GPRC5B: variants seen among roughly 807,000 people sequenced by gnomAD.
GPRC5B encodes the protein G protein-coupled receptor class C group 5 member B.
Under a neutral mutation model 30.1 loss-of-function variants are expected in GPRC5B, and 16 were observed. That is an observed-to-expected ratio of 0.53 (90% CI 0.36 to 0.81). GPRC5B has a LOEUF of 0.81. GPRC5B is among the 30% of genes least tolerant of loss of function. The probability of loss-of-function intolerance (pLI) is 0.01; values close to 1 mark genes in which losing one functional copy is unlikely to be tolerated. For synonymous variants in GPRC5B, 241 were observed against 239.5 expected (o/e 1.01, Z -0.06); for missense variants, 428 against 544.7 (o/e 0.79, Z 2.13).
At position 19,861,900 on chromosome 16, in the gene GPRC5B, G is replaced by C; in HGVS notation, c.1104C>G (p.Ser368Arg). The C allele has an allele frequency of 1.2e-6, 2 of 1,613,016 alleles. No homozygotes were observed. The highest frequency in any genetic ancestry group is 1.7e-6 in the Non-Finnish European group (2 of 1,179,162). ...RPSGSLGKRP[S>R]APFRSNVYQP... The stretch of plus-strand genomic sequence containing the variant: ...GATACACGTTGCTTCTAAACGGAGC[G>C]CTGGGTCTTTTCCCCAAGCTGCCAC... The change falls in exon 3 of 4, where the codon AGC becomes AGG. Residue 368 changes from serine (S) to arginine (R), a missense_variant. Ser to Arg is a moderately radical substitution (Grantham distance 110). Around this residue, in one of 3 missense-constraint regions of GPRC5B, gnomAD observed 213 missense variants for 229.1 expected, o/e 0.93. Transcript: ENST00000300571.
chr16:19,862,362 G>A, intron 2 of GPRC5B: 1 of 196,534 alleles, frequency 5.1e-6, no homozygotes, highest in Non-Finnish European at 1.0e-5. Flanking sequence ...GACACACACT[G>A]AGGAGGAAGC....
Position 19,872,271 on chromosome 16 carries a change from G to A in GPRC5B, c.575C>T (p.Ala192Val), listed in dbSNP as rs1315551167. 3 of 1,614,018 alleles carry A rather than the reference G, an allele frequency of 1.9e-6. No individual in the cohort carries two copies. The highest frequency in any genetic ancestry group is 1.7e-5 in the Admixed American group (1 of 60,026). ...VLTVLRDTRPACAYEPMDFVM... is the reference protein window; with the variant it reads ...VLTVLRDTRPVCAYEPMDFVM... ...AAAGTCCATGGGCTCGTAGGCGCAG[G>A]CTGGCCTTGTGTCACGCAGCACGGT... is the stretch of plus-strand genomic sequence containing the variant. The change falls in exon 2 of 4, where the codon GCC becomes GTC. Residue 192 changes from alanine (A) to valine (V), a missense_variant. By Grantham distance (64) the Ala-to-Val change is moderately conservative. Transcript: ENST00000300571. This position sits in a 1 kb window ranked among gnomAD's most constrained non-coding sequence, Gnocchi z 5.0.
Position 19,856,754 on chromosome 16 carries a change from C to A in GPRC5B, c.*3746G>T. ...AGAAAGGACCAGTCTTCACTTTCTGCATTATCCCCACATTTTATTCATTCA... is the reference window on the plus strand; with the variant it reads ...AGAAAGGACCAGTCTTCACTTTCTGAATTATCCCCACATTTTATTCATTCA... On this transcript the variant is annotated 3_prime_UTR_variant, in exon 4 of 4. Coordinates refer to ENST00000300571, the MANE Select transcript of GPRC5B (RefSeq NM_016235.3). The A allele has an allele frequency of 1.8e-6, 1 of 550,378 alleles. No homozygotes were observed. The highest frequency in any genetic ancestry group is 3.2e-6 in the Non-Finnish European group (1 of 312,496). The allele number at this position is 550,378 out of a possible 1,614,324, so 34.1% of individuals were successfully genotyped here.
At chr16:19,883,624 C>G (rs1361573922) in intron 1 of GPRC5B, among the ~76,000 whole-genome samples, 3 of 152,250 alleles carry the variant, frequency 2.0e-5, no homozygotes, top group African/African-American at 4.8e-5. Context: ...TCAGGTGCCC[C>G]CCGGCCTGGT....
At chr16:19,867,562 TC>T (rs2056677554) in intron 2 of GPRC5B, among the ~76,000 whole-genome samples, 1 of 152,200 alleles carries the variant, frequency 6.6e-6, no homozygotes, top group Non-Finnish European at 1.5e-5. Flanking sequence ...ATCATCATGT[TC>T]AACAACACAC....
chr16:19,861,705 T>C, intron 3 of GPRC5B, 132 bp downstream of exon 3: 1 of 672,568 alleles, frequency 1.5e-6, no homozygotes, highest in Non-Finnish European at 2.6e-6. Flanking sequence ...AAGCATTGCA[T>C]GCGTTTGAGC....
rs2056730475 is a variant in GPRC5B at position 19,872,557 on chromosome 16, A to T, written c.289T>A (p.Phe97Ile). Residue 97 changes from phenylalanine (F) to isoleucine (I), a missense_variant, in exon 2 of 4, where the codon TTT becomes ATT. Phe to Ile is a conservative substitution (Grantham distance 21). Transcript: ENST00000300571. This position sits in a 1 kb window ranked among gnomAD's most constrained non-coding sequence, Gnocchi z 5.0. ...KEKKSPVGLH[F>I]LFLLGTLGLF... Reference sequence around the variant, plus strand: ...CCCAGGGTCCCCAGGAGGAACAGAAAGTGGAGGCCCACAGGGCTCTTCTTC... The same window carrying T: ...CCCAGGGTCCCCAGGAGGAACAGAATGTGGAGGCCCACAGGGCTCTTCTTC... 5 of 1,614,120 alleles carry T rather than the reference A, an allele frequency of 3.1e-6. No homozygotes were observed. The highest frequency in any genetic ancestry group is 4.2e-6 in the Non-Finnish European group (5 of 1,179,988).
At chr16:19,867,920 C>T (rs1381744100) in intron 2 of GPRC5B, among the ~76,000 whole-genome samples, 3 of 151,792 alleles carry the variant, frequency 2.0e-5, no homozygotes, top group Non-Finnish European at 2.9e-5. Flanking sequence ...TGTGATGGCA[C>T]GCACATCTCA....
chr16:19,875,966 A>T (rs1000699492), intron 1 of GPRC5B, among the ~76,000 whole-genome samples: 1 of 152,174 alleles, frequency 6.6e-6, no homozygotes, highest in African/African-American at 2.4e-5. Flanking sequence ...CAAAATGCCA[A>T]CAGTCCCCGA....
In GPRC5B at chr16:19,861,837, G is replaced by A. The variant is rs775287947; in HGVS notation, c.1167C>T (p.Thr389=). Residue 389 remains threonine, a splice_region_variant and synonymous_variant, in exon 3 of 4, where the codon ACC becomes ACT. Transcript: ENST00000300571. ...TEMAVVLNGG[T]IPTAPPSHTG... is the part of the protein sequence containing the mutation. The stretch of plus-strand genomic sequence containing the variant: ...CCCCACATCACATCTTGATACTTAC[G>A]GTCCCACCGTTGAGCACGACGGCCA... The A allele has an allele frequency of 1.9e-5, 30 of 1,612,378 alleles. No homozygotes were observed. In the South Asian group the frequency reaches 2.7e-4, roughly 15 times the overall value.
chr16:19,860,354 C>T lies in GPRC5B; in HGVS notation c.*146G>A, dbSNP rs887159415. On this transcript the variant is annotated 3_prime_UTR_variant, in exon 4 of 4. Coordinates refer to ENST00000300571, the MANE Select transcript of GPRC5B (RefSeq NM_016235.3). ...CAGTTCGTCAGTGTTCACATTTACA[C>T]GAAATCCCCTTGGCTAGGATTTCCA... is the stretch of plus-strand genomic sequence containing the variant. 30 of 621,580 alleles carry T rather than the reference C, an allele frequency of 4.8e-5. No individual in the cohort carries two copies. Among genetic ancestry groups the T allele is most frequent in the African/African-American group, 2.9e-4 (16 of 54,330 alleles). The allele number at this position is 621,580 out of a possible 1,614,324, so 38.5% of individuals were successfully genotyped here.
At chr16:19,881,606 AC>A (rs1419748373) in intron 1 of GPRC5B, among the ~76,000 whole-genome samples, 2 of 152,082 alleles carry the variant, frequency 1.3e-5, no homozygotes, top group African/African-American at 4.8e-5. Flanking sequence ...ACATGGTGAA[AC>A]CCTGTCTCTA....
intron 1 of GPRC5B, among the ~76,000 whole-genome samples, chr16:19,877,201 G>A (rs545372610): frequency 6.6e-6 from 1 of 152,338 alleles, no homozygotes; most frequent in East Asian, 1.9e-4. Flanking sequence ...ATCCATGCCT[G>A]AAGCCAGCCT....
chr16:19,868,127 C>G (rs1403103841), intron 2 of GPRC5B, among the ~76,000 whole-genome samples: 4 of 151,712 alleles, frequency 2.6e-5, no homozygotes, highest in Non-Finnish European at 5.9e-5. Context: ...GTAATCCCAA[C>G]ACTTTGGGAG....
At chr16:19,884,405 C>A (rs1400587751) in intron 1 of GPRC5B, among the ~76,000 whole-genome samples, 3 of 151,598 alleles carry the variant, frequency 2.0e-5, no homozygotes, top group African/African-American at 7.3e-5. Context: ...ACCCTCCCAG[C>A]TGCCCTTCAC....
At chr16:19,883,962 TG>T (rs964622870) in intron 1 of GPRC5B, among the ~76,000 whole-genome samples, 19 of 152,044 alleles carry the variant, frequency 1.2e-4, no homozygotes, top group African/African-American at 4.3e-4. Flanking sequence ...GGGGTCCTTG[TG>T]GGGCTGGAAG....
intron 3 of GPRC5B, 75 bp from the exon 4 acceptor site, chr16:19,860,619 A>G: frequency 1.1e-6 from 1 of 909,228 alleles, no homozygotes. Flanking sequence ...CGATGCGTAA[A>G]CAACGCGGCA....
At position 19,872,824 on chromosome 16, in the gene GPRC5B, TTC is replaced by T. The variant is rs758067395; in HGVS notation, c.20_21del (p.Arg7LysfsTer22). On this transcript the variant is annotated frameshift_variant, in exon 2 of 4. Transcript: ENST00000300571. LOFTEE classifies it high-confidence loss of function. This position sits in a 1 kb window ranked among gnomAD's most constrained non-coding sequence, Gnocchi z 5.0. ...GTGAGCACCTGGTGAGCTCTCATCT[TTC>T]TCTCTGATGCCACGAACATTCTAGA... MFVASE[R>X]KMRAHQVLTF... The T allele has an allele frequency of 6.2e-7, 1 of 1,612,764 alleles. No individual in the cohort carries two copies.
At chr16:19,866,678 G>T (rs2056670398) in intron 2 of GPRC5B, among the ~76,000 whole-genome samples, 2 of 152,052 alleles carry the variant, frequency 1.3e-5, no homozygotes, top group African/African-American at 4.8e-5. Flanking sequence ...CAGCGCACCT[G>T]GCTATTATTT....
Sources: allele counts gnomAD v4.1 joint callset (sites outside exome capture counted in the v4.1 genomes callset), GRCh38; gene constraint gnomAD v4.1.1; regional missense constraint gnomAD v4.1.1; non-coding constraint Gnocchi (gnomAD v3.1); transcripts MANE v1.5; gene names NCBI Gene and HGNC (gene_info 2026-07-23, HGNC 2026-07-21).